Variants in KCNJ3 observed in about 807,000 individuals in gnomAD.
KCNJ3 encodes potassium inwardly rectifying channel subfamily J member 3.
Under a neutral mutation model 39.2 loss-of-function variants are expected in KCNJ3, and 4 were observed. The ratio of observed to expected loss-of-function variants is 0.10; its 90% CI spans 0.05 to 0.23. The LOEUF (loss-of-function observed/expected upper bound fraction) is 0.23. Ranked by LOEUF, KCNJ3 falls within the 10% of genes least tolerant of loss-of-function variation. The pLI, the probability that KCNJ3 is intolerant of heterozygous loss-of-function variation, is 1.00. For synonymous variants in KCNJ3, 230 were observed against 237.4 expected (o/e 0.97, Z 0.29); for missense variants, 276 against 634.9 (o/e 0.43, Z 6.08).
intron 1 of KCNJ3, among the ~76,000 whole-genome samples, chr2:154,700,938 C>A (rs529014028): frequency 6.6e-6 from 1 of 152,070 alleles, no homozygotes; most frequent in African/African-American, 2.4e-5. Context: ...CTGATGTAAA[C>A]GTTCATTAAC....
At position 154,855,623 on chromosome 2, in the gene KCNJ3, A is replaced by AAAT. The variant is rs1553463168; in HGVS notation, c.*311_*312insATA. ...TTTATATTGTATATTCTGGAAAAAAAATATATATATATATTTAAAGGGGAG... is the reference window on the plus strand; with the variant it reads ...TTTATATTGTATATTCTGGAAAAAAAAATATATATATATATATTTAAAGGGGAG... On this transcript the variant is annotated 3_prime_UTR_variant, in exon 3 of 3. Transcript: ENST00000295101. 37 of 166,500 alleles carry AAAT rather than the reference A, an allele frequency of 2.2e-4. No homozygotes were observed. The highest frequency in any genetic ancestry group is 5.1e-4 in the East Asian group (3 of 5,890). The allele number at this position is 166,500 out of a possible 1,614,324, so 10.3% of individuals were successfully genotyped here.
Position 154,746,599 on chromosome 2 carries a change from C to T in KCNJ3, c.919+36780C>T, listed in dbSNP as rs572382728. On this transcript the variant is annotated intron_variant, in intron 2 of 2. Coordinates refer to ENST00000295101, the MANE Select transcript of KCNJ3 (RefSeq NM_002239.4). Reference sequence around the variant, plus strand: ...GGAGGGTCAACTGTATGTGTGTGTGCGTATACACAGATATATATATATATA... The same window carrying T: ...GGAGGGTCAACTGTATGTGTGTGTGTGTATACACAGATATATATATATATA... Among the ~76,000 whole-genome samples the T allele has an allele frequency of 1.6e-4, 22 of 134,840 alleles. No homozygotes were observed. The South Asian group carries it at 2.2e-3, about 13-fold the overall frequency. The allele number at this position is 134,840 out of a possible 152,430, so 88.5% of individuals were successfully genotyped here. A position where few individuals can be genotyped will look rare whatever the true frequency, so the allele number is the denominator to read the frequency against.
rs755993501 is a variant in KCNJ3, at chr2:154,855,061, G to A, written c.1254G>A (p.Arg418=). The part of the protein sequence containing the change: ...GREDFPKKLL[R]MSSTTSEKAY... ...AAGACTTTCCCAAAAAACTCTTGAG[G>A]ATGAGTTCTACAACTTCAGAAAAAG... The change falls in exon 3 of 3, where the codon AGG becomes AGA. Residue 418 remains arginine (R), a synonymous_variant. Transcript: ENST00000295101. 7 of 1,613,914 alleles carry A rather than the reference G, an allele frequency of 4.3e-6. No individual in the cohort carries two copies. The African/African-American group carries it at 9.3e-5, about 22-fold the overall frequency.
At chr2:154,812,897 G>A (rs954685222) in intron 2 of KCNJ3, among the ~76,000 whole-genome samples, 10 of 152,016 alleles carry the variant, frequency 6.6e-5, no homozygotes, top group Non-Finnish European at 2.9e-5. Context: ...TAAAATAATC[G>A]TAAGTAAGAT....
At chr2:154,754,269 T>C (rs1489083327) in intron 2 of KCNJ3, among the ~76,000 whole-genome samples, 1 of 152,164 alleles carries the variant, frequency 6.6e-6, no homozygotes, top group African/African-American at 2.4e-5. Context: ...ATGTGAACAT[T>C]TCTTTTTTTC....
intron 2 of KCNJ3, among the ~76,000 whole-genome samples, chr2:154,728,825 T>C (rs1446493235): frequency 6.6e-6 from 1 of 152,084 alleles, no homozygotes; most frequent in East Asian, 1.9e-4. Context: ...TCTTCATATG[T>C]AAAATGAAGG....
chr2:154,832,541 G>A (rs1992704), intron 2 of KCNJ3, among the ~76,000 whole-genome samples: 30,979 of 152,020 alleles, frequency 0.2, 3,410 homozygotes, highest in East Asian at 0.36. Context: ...TCCACCATTT[G>A]TTAGATATTT....
At chr2:154,786,344 G>T (rs1029578099) in intron 2 of KCNJ3, among the ~76,000 whole-genome samples, 1 of 151,856 alleles carries the variant, frequency 6.6e-6, no homozygotes, top group Non-Finnish European at 1.5e-5. Flanking sequence ...GGAACCAAGG[G>T]GACATAGAAA....
In KCNJ3 at chr2:154,794,901, G is replaced by A. The variant is rs369957128; in HGVS notation, c.920-59826G>A. On this transcript the variant is annotated intron_variant, in intron 2 of 2. Coordinates refer to ENST00000295101, the MANE Select transcript of KCNJ3 (RefSeq NM_002239.4). ...ATCCTTAAAAGAAAGCCTACTACTC[G>A]TGTTAACAAAGAAGAATTTTCTTTT... is the stretch of plus-strand genomic sequence containing the variant. Among the ~76,000 whole-genome samples the A allele has an allele frequency of 1.3e-4, 19 of 151,884 alleles. 1 individual carries two copies. The highest frequency in any genetic ancestry group is 5.3e-4 in the Admixed American group (8 of 15,222).
At chr2:154,757,714 G>T (rs1237524901) in intron 2 of KCNJ3, among the ~76,000 whole-genome samples, 1 of 152,120 alleles carries the variant, frequency 6.6e-6, no homozygotes, top group Non-Finnish European at 1.5e-5. Flanking sequence ...AGTTCTAGAG[G>T]CTGGGAAATC....
At chr2:154,809,972 A>T (rs1383907731) in intron 2 of KCNJ3, among the ~76,000 whole-genome samples, 1 of 151,950 alleles carries the variant, frequency 6.6e-6, no homozygotes, top group South Asian at 2.1e-4. Context: ...TTTTATTTAC[A>T]TTTTCCCAAA....
intron 2 of KCNJ3, among the ~76,000 whole-genome samples, chr2:154,739,332 T>G (rs1412754840): frequency 2.6e-5 from 4 of 152,086 alleles, no homozygotes; most frequent in Non-Finnish European, 5.9e-5. Flanking sequence ...GCACAAGATA[T>G]TTTTTCTTTC....
At chr2:154,839,308 C>T (rs1341801614) in intron 2 of KCNJ3, among the ~76,000 whole-genome samples, 1 of 151,790 alleles carries the variant, frequency 6.6e-6, no homozygotes, top group African/African-American at 2.4e-5. Flanking sequence ...AATATATGTG[C>T]CACATTTTCT....
intron 2 of KCNJ3, among the ~76,000 whole-genome samples, chr2:154,816,166 A>G (rs976622238): frequency 6.6e-6 from 1 of 152,222 alleles, no homozygotes; most frequent in Admixed American, 6.5e-5. Context: ...AATACAAAGG[A>G]GTAAATTACT....
intron 2 of KCNJ3, among the ~76,000 whole-genome samples, chr2:154,738,591 A>C (rs2105173120): frequency 6.6e-6 from 1 of 152,194 alleles, no homozygotes; most frequent in Admixed American, 6.5e-5. Context: ...CAAAAAATAA[A>C]AATTAAAAAT....
rs1223808576 is a variant in KCNJ3 at position 154,856,362 on chromosome 2, T to G, written c.*1049T>G. ...AACTGAGTAAATTGGAAACATTTTCTTTCTTTTTCTGGAAATTTTGTCCAT... is the reference window on the plus strand; with the variant it reads ...AACTGAGTAAATTGGAAACATTTTCGTTCTTTTTCTGGAAATTTTGTCCAT... On this transcript the variant is annotated 3_prime_UTR_variant, in exon 3 of 3. Coordinates refer to ENST00000295101, the MANE Select transcript of KCNJ3 (RefSeq NM_002239.4). 6.6e-6 allele frequency: 1 copy of G among 152,610 alleles called. No homozygotes were observed. Among genetic ancestry groups the G allele is most frequent in the Non-Finnish European group, 1.5e-5 (1 of 67,996 alleles). 9.5% of individuals were successfully genotyped at this position (152,610 alleles called of 1,614,324 possible).
intron 2 of KCNJ3, among the ~76,000 whole-genome samples, chr2:154,848,514 GATTC>G (rs1316740709): frequency 2.0e-5 from 3 of 152,098 alleles, no homozygotes; most frequent in Non-Finnish European, 2.9e-5. Flanking sequence ...GTAGGAAGAT[GATTC>G]ATTCATTATT....
intron 2 of KCNJ3, among the ~76,000 whole-genome samples, chr2:154,824,300 C>G (rs907919381): frequency 6.6e-6 from 1 of 152,100 alleles, no homozygotes; most frequent in Non-Finnish European, 1.5e-5. Flanking sequence ...CGCGCCACTG[C>G]ACTCCAGTCT....
At chr2:154,795,141 C>T (rs375372599) in intron 2 of KCNJ3, among the ~76,000 whole-genome samples, 3 of 151,978 alleles carry the variant, frequency 2.0e-5, no homozygotes, top group East Asian at 1.9e-4. Context: ...TGGATTGAAC[C>T]TCCACCTTTT....
Sources: gnomAD v4.1 joint callset for allele counts (sites outside exome capture counted in the v4.1 genomes callset) on GRCh38, gnomAD v4.1.1 for gene constraint, MANE v1.5 for transcripts, NCBI Gene and HGNC (gene_info 2026-07-23, HGNC 2026-07-21) for gene names.